Variants in KCNJ15 observed in about 807,000 individuals in gnomAD.
KCNJ15 encodes ATP-sensitive inward rectifier potassium channel 15.
KCNJ15 carries 14 observed loss-of-function variants against 23.0 expected under a neutral mutation model. That is an observed-to-expected ratio of 0.61 (90% CI 0.40 to 0.95). KCNJ15 has a LOEUF of 0.95. Among genes scored for constraint, KCNJ15 ranks in the 40% least tolerant of loss-of-function variants. The pLI is 0.00. For synonymous variants in KCNJ15, 185 were observed against 183.2 expected (o/e 1.01, Z -0.08); for missense variants, 388 against 461.8 (o/e 0.84, Z 1.46).
chr21:38,258,708 A>G (rs1980546327), intron 1 of KCNJ15, among the ~76,000 whole-genome samples: 1 of 152,258 alleles, frequency 6.6e-6, no homozygotes, highest in South Asian at 2.1e-4. Flanking sequence ...TGGTTGCTTA[A>G]GGAAAACACA....
At position 38,299,796 on chromosome 21, in the gene KCNJ15, A is replaced by G. The variant is rs1036433868; in HGVS notation, c.535A>G (p.Lys179Glu). The change falls in exon 3 of 3, where the codon AAG (lysine) becomes GAG (glutamate). Residue 179 changes from lysine to glutamate, a missense_variant. Physicochemically the swap from Lys to Glu is moderately conservative, Grantham distance 56. Transcript: ENST00000398938. The surrounding 1 kb of genome is among the most constrained non-coding windows in gnomAD (Gnocchi z 4.5). ...ARPKKRAETIKFSHCAVITKQ... is the reference protein window; with the variant it reads ...ARPKKRAETIEFSHCAVITKQ... ...ACCCAAAAAGCGGGCTGAGACCATC[A>G]AGTTCAGCCACTGTGCAGTCATCAC... 14 of 1,613,982 alleles carry G rather than the reference A, an allele frequency of 8.7e-6. No individual in the cohort carries two copies. Among genetic ancestry groups the G allele is most frequent in the Non-Finnish European group, 1.7e-6 (2 of 1,180,036 alleles).
intron 1 of KCNJ15, among the ~76,000 whole-genome samples, chr21:38,240,885 G>A (rs2123553793): frequency 6.6e-6 from 1 of 152,224 alleles, no homozygotes; most frequent in South Asian, 2.1e-4. Context: ...TCGCATTCAG[G>A]GCTTTCATAC....
rs2298333 is a variant in KCNJ15 at position 38,302,059 on chromosome 21, C to T, written c.*1670C>T. The T allele has an allele frequency of 0.46, 60,678 of 130,810 alleles. 14,859 individuals carry two copies. The highest frequency in any genetic ancestry group is 0.55 in the Non-Finnish European group (37,414 of 67,600). 8.1% of individuals were successfully genotyped at this position (130,810 alleles called of 1,614,324 possible). Reference sequence around the variant, plus strand: ...AAACACATGCACACATGCACACACGCGCACACATGCACACACGCACACACT... The same window carrying T: ...AAACACATGCACACATGCACACACGTGCACACATGCACACACGCACACACT... On this transcript the variant is annotated 3_prime_UTR_variant, in exon 3 of 3. Coordinates refer to ENST00000398938, the MANE Select transcript of KCNJ15 (RefSeq NM_170736.3).
rs577377962 is a variant in KCNJ15, at chr21:38,300,044, G to A, written c.783G>A (p.Thr261=). 36 of 1,613,980 alleles carry A rather than the reference G, an allele frequency of 2.2e-5. No homozygotes were observed. Among genetic ancestry groups the A allele is most frequent in the East Asian group, 8.9e-5 (4 of 44,868 alleles). ...CATTCTACCATGTGCTGGATGAGAC[G>A]AGCCCCCTGAGAGACCTCACACCCC... ...PMTFYHVLDE[T]SPLRDLTPQN... is the part of the protein sequence containing the mutation. Residue 261 remains threonine, a synonymous_variant, in exon 3 of 3, where the codon ACG becomes ACA. Transcript: ENST00000398938.
intron 1 of KCNJ15, among the ~76,000 whole-genome samples, chr21:38,288,040 T>TTTTTTTTTTTTTTTTTTTTTTTTG (rs1569011086): frequency 1.2e-5 from 1 of 86,136 alleles, no homozygotes; most frequent in Non-Finnish European, 2.5e-5. Context: ...GTTTTTTTTT[T>TTTTTTTTTTTTTTTTTTTTTTTTG]TTTTTTTTTT....
At position 38,259,004 on chromosome 21, in the gene KCNJ15, CGTGT is replaced by C. The variant is rs141128448; in HGVS notation, c.-117+1835_-117+1838del. On this transcript the variant is annotated intron_variant, in intron 1 of 2. Transcript: ENST00000398938. ...TCGAAAGGGCTGTGCTTTCTTGGGG[CGTGT>C]GTGTGTGTGTGTGTGCGCGTGTGTG... 1.0e-4 allele frequency among the ~76,000 whole-genome samples: 15 copies of C among 149,762 alleles called. No individual in the cohort carries two copies. The East Asian group carries it at 2.5e-3, about 25-fold the overall frequency.
chr21:38,296,044 C>CTG (rs989099567), intron 1 of KCNJ15, among the ~76,000 whole-genome samples: 17 of 151,790 alleles, frequency 1.1e-4, no homozygotes, highest in Non-Finnish European at 2.9e-5. Flanking sequence ...ATAAGTGTGC[C>CTG]TGTGTGTGTG....
intron 1 of KCNJ15, among the ~76,000 whole-genome samples, chr21:38,275,759 G>A (rs1982622923): frequency 1.3e-5 from 2 of 152,124 alleles, no homozygotes; most frequent in African/African-American, 4.8e-5. Flanking sequence ...TAAACCCTAT[G>A]GCCCAATCAA....
At chr21:38,279,318 A>C (rs1017630038) in intron 1 of KCNJ15, among the ~76,000 whole-genome samples, 10 of 152,184 alleles carry the variant, frequency 6.6e-5, no homozygotes, top group African/African-American at 2.4e-4. Context: ...GAACACAAAA[A>C]GTCTAGGCTT....
chr21:38,257,907 T>C (rs1388909997), intron 1 of KCNJ15, among the ~76,000 whole-genome samples: 2 of 152,228 alleles, frequency 1.3e-5, no homozygotes, highest in Non-Finnish European at 2.9e-5. Context: ...GAAATAAGAA[T>C]TTATTGTTCA....
chr21:38,258,414 C>G lies in KCNJ15; in HGVS notation c.-117+1229C>G, dbSNP rs562888544. Among the ~76,000 whole-genome samples the G allele has an allele frequency of 1.2e-4, 18 of 152,316 alleles. 1 individual carries two copies. The East Asian group carries it at 3.5e-3, about 29-fold the overall frequency. On this transcript the variant is annotated intron_variant, in intron 1 of 2. Coordinates refer to ENST00000398938, the MANE Select transcript of KCNJ15 (RefSeq NM_170736.3). ...AAGCACTTACCTCACACACAGCTTC[C>G]CCGGGCGCTGTTCTTTCTTCCCATA... is the stretch of plus-strand genomic sequence containing the variant.
chr21:38,266,815 C>T (rs1002206169), intron 1 of KCNJ15, among the ~76,000 whole-genome samples: 28 of 152,302 alleles, frequency 1.8e-4, no homozygotes, highest in African/African-American at 6.7e-4. Flanking sequence ...TTAAGTAACA[C>T]GCTGAGGACA....
At chr21:38,249,044 A>C (rs945658498) in intron 1 of KCNJ15, among the ~76,000 whole-genome samples, 1 of 152,142 alleles carries the variant, frequency 6.6e-6, no homozygotes, top group Non-Finnish European at 1.5e-5. Context: ...TATAGCTAAG[A>C]CCAAACCTAC....
At chr21:38,268,642 G>T (rs1450208768) in intron 1 of KCNJ15, among the ~76,000 whole-genome samples, 1 of 150,686 alleles carries the variant, frequency 6.6e-6, no homozygotes, top group Non-Finnish European at 1.5e-5. Flanking sequence ...CAAATGGAAG[G>T]TCATTCTAAT....
At position 38,303,754 on chromosome 21, in the gene KCNJ15, G is replaced by A. The variant is rs1038731038; in HGVS notation, c.*3365G>A. The stretch of plus-strand genomic sequence containing the variant: ...AATAGACTGTGATTTCAATATTATC[G>A]AAATGTAAACAAAGATATATTTTTA... On this transcript the variant is annotated 3_prime_UTR_variant, in exon 3 of 3. Transcript: ENST00000398938. 6.6e-5 allele frequency: 10 copies of A among 151,998 alleles called. No homozygotes were observed. The highest frequency in any genetic ancestry group is 6.8e-3 in the Middle Eastern group (2 of 294). The allele number at this position is 151,998 out of a possible 1,614,324, so 9.4% of individuals were successfully genotyped here. A position where few individuals can be genotyped will look rare whatever the true frequency, so the allele number is the denominator to read the frequency against.
chr21:38,254,608 T>C (rs566297216), upstream of KCNJ15, among the ~76,000 whole-genome samples: 7 of 152,326 alleles, frequency 4.6e-5, no homozygotes, highest in South Asian at 2.1e-4. Context: ...TGCATATGTA[T>C]GCTCAAAATA....
chr21:38,260,290 AG>A (rs1647845801), intron 1 of KCNJ15, among the ~76,000 whole-genome samples: 1 of 152,226 alleles, frequency 6.6e-6, no homozygotes, highest in South Asian at 2.1e-4. Flanking sequence ...AGATGATAGT[AG>A]GGGGATCTCC....
rs570417655 is a variant in KCNJ15 at position 38,302,557 on chromosome 21, G to A, written c.*2168G>A. On this transcript the variant is annotated 3_prime_UTR_variant, in exon 3 of 3. Coordinates refer to ENST00000398938, the MANE Select transcript of KCNJ15 (RefSeq NM_170736.3). ...TCCATTCCTTAAAAAAATATTACATGTCAGTGTAGTTAGATATTATCTCTT... is the reference window on the plus strand; with the variant it reads ...TCCATTCCTTAAAAAAATATTACATATCAGTGTAGTTAGATATTATCTCTT... 9.2e-5 allele frequency: 14 copies of A among 151,956 alleles called. No homozygotes were observed. The highest frequency in any genetic ancestry group is 1.9e-4 in the Non-Finnish European group (13 of 67,990). 9.4% of individuals were successfully genotyped at this position (151,956 alleles called of 1,614,324 possible).
chr21:38,267,561 C>T (rs566097061), intron 1 of KCNJ15, among the ~76,000 whole-genome samples: 1 of 152,240 alleles, frequency 6.6e-6, no homozygotes, highest in South Asian at 2.1e-4. Context: ...CCACTGGTAA[C>T]CAACAGTAGG....
Sources: allele counts gnomAD v4.1 joint callset (sites outside exome capture counted in the v4.1 genomes callset), GRCh38; gene constraint gnomAD v4.1.1; non-coding constraint Gnocchi (gnomAD v3.1); transcripts MANE v1.5; gene names NCBI Gene and HGNC (gene_info 2026-07-23, HGNC 2026-07-21).